The following MAPKAP1 variants were observed in gnomAD, a reference collection of about 807,000 sequenced individuals.
MAPKAP1 encodes the protein MAPK associated protein 1, also known as target of rapamycin complex 2 subunit MAPKAP1.
In MAPKAP1, 20 loss-of-function variants were observed where a neutral mutation model predicts 65.7. That is an observed-to-expected ratio of 0.30 (90% CI 0.21 to 0.44). The LOEUF is 0.44. MAPKAP1 is among the 20% of genes least tolerant of loss of function. The pLI, the probability that MAPKAP1 is intolerant of heterozygous loss-of-function variation, is 1.00. For missense variants in MAPKAP1, 423 were observed against 648.0 expected, an observed-to-expected ratio of 0.65 and a Z score of 3.77; for synonymous variants, 222 against 244.3, an observed-to-expected ratio of 0.91 and a Z score of 0.85.
chr9:125,644,898 T>C (rs140100975), intron 4 of MAPKAP1, among the ~76,000 whole-genome samples: 490 of 152,348 alleles, frequency 3.2e-3, no homozygotes, highest in South Asian at 6.8e-3. Context: ...TTTCTCTGTA[T>C]ATCTAATTGA....
chr9:125,622,680 G>A lies in MAPKAP1; in HGVS notation c.498+34971C>T, dbSNP rs540374013. On this transcript the variant is annotated intron_variant, in intron 4 of 11. Transcript: ENST00000265960. ...AGGCTGGTCTCAATCTCCTAACCTC[G>A]TGATCTGCCCATCTTGGCCTCCCAA... 5.3e-5 allele frequency among the ~76,000 whole-genome samples: 8 copies of A among 152,206 alleles called. No individual in the cohort carries two copies. In the South Asian group the frequency reaches 6.2e-4, roughly 12 times the overall value.
intron 5 of MAPKAP1, among the ~76,000 whole-genome samples, chr9:125,576,909 T>G (rs1387888181): frequency 6.6e-6 from 1 of 152,026 alleles, no homozygotes; most frequent in Non-Finnish European, 1.5e-5. Context: ...CCTCCCAAAG[T>G]GCCGAGATTG....
intron 4 of MAPKAP1, among the ~76,000 whole-genome samples, chr9:125,645,664 G>A (rs1272971752): frequency 6.6e-6 from 1 of 151,254 alleles, no homozygotes; most frequent in Non-Finnish European, 1.5e-5. Context: ...TTGAAACTGG[G>A]AGGTGGAGGT....
At chr9:125,658,629 C>CATGA (rs1204532248) in intron 3 of MAPKAP1, among the ~76,000 whole-genome samples, 4 of 152,118 alleles carry the variant, frequency 2.6e-5, no homozygotes, top group African/African-American at 7.2e-5. Context: ...AATTTTGTTG[C>CATGA]ATGAATGAAT....
intron 4 of MAPKAP1, among the ~76,000 whole-genome samples, chr9:125,639,536 C>G (rs1249579600): frequency 6.6e-6 from 1 of 152,166 alleles, no homozygotes; most frequent in Non-Finnish European, 1.5e-5. Flanking sequence ...TTTAAATTCT[C>G]CCTCCGTCCC....
At chr9:125,659,985 G>A (rs367970065) in intron 3 of MAPKAP1, among the ~76,000 whole-genome samples, 34 of 152,172 alleles carry the variant, frequency 2.2e-4, no homozygotes, top group East Asian at 1.2e-3. Context: ...CATTTGACAC[G>A]GTTCCTCACT....
chr9:125,698,135 G>T (rs960547843), intron 1 of MAPKAP1, among the ~76,000 whole-genome samples: 1 of 150,448 alleles, frequency 6.6e-6, no homozygotes, highest in Admixed American at 6.6e-5. Flanking sequence ...TGCTACTCAC[G>T]CATGCGCGTT....
intron 1 of MAPKAP1, among the ~76,000 whole-genome samples, chr9:125,698,643 G>A (rs866836654): frequency 3.3e-5 from 5 of 151,784 alleles, no homozygotes; most frequent in South Asian, 2.1e-4. Flanking sequence ...CACCCGGCCC[G>A]GTAGCTCTAT....
At chr9:125,667,680 G>C (rs1834379911) in intron 3 of MAPKAP1, among the ~76,000 whole-genome samples, 1 of 152,104 alleles carries the variant, frequency 6.6e-6, no homozygotes, top group Admixed American at 6.5e-5. Context: ...CAAAAGTGTT[G>C]GGATTACAGG....
At chr9:125,574,690 A>G (rs1031372843) in intron 5 of MAPKAP1, among the ~76,000 whole-genome samples, 56 of 152,360 alleles carry the variant, frequency 3.7e-4, no homozygotes, top group African/African-American at 1.3e-3. Context: ...GTCATCAAAA[A>G]AGGACTAAAT....
intron 7 of MAPKAP1, among the ~76,000 whole-genome samples, chr9:125,517,289 A>G (rs1182623565): frequency 2.0e-5 from 3 of 152,184 alleles, no homozygotes; most frequent in Non-Finnish European, 4.4e-5. Context: ...AGGGAAGAGT[A>G]GGAAGTTGAT....
intron 4 of MAPKAP1, among the ~76,000 whole-genome samples, chr9:125,645,050 CA>C (rs2131721699): frequency 6.6e-6 from 1 of 152,134 alleles, no homozygotes; most frequent in East Asian, 1.9e-4. Context: ...TGAAGACAAA[CA>C]AATTCATTCT....
At chr9:125,523,890 G>A (rs1829689928) in intron 7 of MAPKAP1, among the ~76,000 whole-genome samples, 1 of 152,128 alleles carries the variant, frequency 6.6e-6, no homozygotes, top group Non-Finnish European at 1.5e-5. Flanking sequence ...CATCTGCCCT[G>A]TTCCCTGCTG....
At chr9:125,623,694 G>C (rs1410944788) in intron 4 of MAPKAP1, among the ~76,000 whole-genome samples, 1 of 18,696 alleles carries the variant, frequency 5.3e-5, no homozygotes, top group Admixed American at 8.3e-4. Context: ...CACCCCGTCC[G>C]GGAGGGAGGT....
intron 4 of MAPKAP1, among the ~76,000 whole-genome samples, chr9:125,615,911 C>T (rs891162826): frequency 1.4e-5 from 2 of 144,748 alleles, no homozygotes; most frequent in African/African-American, 5.2e-5. Flanking sequence ...GGGACTCCGT[C>T]TCAGAAAAAA....
At chr9:125,560,304 G>A (rs1253440251) in intron 5 of MAPKAP1, among the ~76,000 whole-genome samples, 2 of 152,170 alleles carry the variant, frequency 1.3e-5, no homozygotes, top group Non-Finnish European at 2.9e-5. Context: ...GAAAATATCT[G>A]GACAGGCATG....
At chr9:125,576,217 G>T (rs1221592751) in intron 5 of MAPKAP1, among the ~76,000 whole-genome samples, 1 of 152,212 alleles carries the variant, frequency 6.6e-6, no homozygotes, top group Non-Finnish European at 1.5e-5. Flanking sequence ...TTTTAGGGCA[G>T]TGAAGCCATT....
At chr9:125,559,845 G>A (rs1383595830) in intron 5 of MAPKAP1, 36 bp from the exon 6 acceptor site, 1 of 1,582,608 alleles carries the variant, frequency 6.3e-7, no homozygotes, top group Non-Finnish European at 8.6e-7. Flanking sequence ...TGAATACCAA[G>A]GTAGGGAAGG....
intron 9 of MAPKAP1, among the ~76,000 whole-genome samples, chr9:125,468,347 C>T (rs1853763265): frequency 6.6e-6 from 1 of 152,162 alleles, no homozygotes; most frequent in African/African-American, 2.4e-5. Context: ...GGAACCCCCC[C>T]AAACTATATG....
Sources: allele counts gnomAD v4.1 joint callset (sites outside exome capture counted in the v4.1 genomes callset), GRCh38; gene constraint gnomAD v4.1.1; transcripts MANE v1.5; gene names NCBI Gene and HGNC (gene_info 2026-07-23, HGNC 2026-07-21).